SENP7: variants seen among roughly 807,000 people sequenced by gnomAD.
The protein encoded by SENP7 is SUMO specific peptidase 7.
In SENP7, 64 loss-of-function variants were observed where a neutral mutation model predicts 141.2. The ratio of observed to expected loss-of-function variants is 0.45; its 90% CI spans 0.37 to 0.56. SENP7 has a LOEUF of 0.56. Ranked by LOEUF, SENP7 falls within the 20% of genes least tolerant of loss-of-function variation. The probability of loss-of-function intolerance (pLI) is 0.00; values close to 1 mark genes in which losing one functional copy is unlikely to be tolerated. For missense variants in SENP7, 1,025 were observed against 1,212.2 expected, an observed-to-expected ratio of 0.85 and a Z score of 2.29; for synonymous variants, 382 against 426.4, an observed-to-expected ratio of 0.90 and a Z score of 1.28.
intron 3 of SENP7, among the ~76,000 whole-genome samples, chr3:101,474,617 G>A (rs1443944639): frequency 1.3e-5 from 2 of 152,056 alleles, no homozygotes; most frequent in Admixed American, 6.6e-5. Flanking sequence ...GGATCATGCT[G>A]TCTGCAAATA....
chr3:101,495,906 GA>G (rs969835461), intron 2 of SENP7, among the ~76,000 whole-genome samples: 1 of 151,946 alleles, frequency 6.6e-6, no homozygotes, highest in African/African-American at 2.4e-5. Flanking sequence ...AAAAGTCGAA[GA>G]AAAAAATGTT....
rs142081006 is a variant in SENP7, at chr3:101,501,841, A to T, written c.41-722T>A. 1.7e-4 allele frequency among the ~76,000 whole-genome samples: 26 copies of T among 152,348 alleles called. 1 individual carries two copies. The highest frequency in any genetic ancestry group is 8.5e-4 in the Admixed American group (13 of 15,300). Reference sequence around the variant, plus strand: ...AAAAAATAAATGGCAGAGATTCAACATATGGTCAGCTGCTTATGACAAATG... The same window carrying T: ...AAAAAATAAATGGCAGAGATTCAACTTATGGTCAGCTGCTTATGACAAATG... On this transcript the variant is annotated intron_variant, in intron 1 of 23. Transcript: ENST00000394095.
At chr3:101,463,922 T>G (rs1467879527) in intron 3 of SENP7, among the ~76,000 whole-genome samples, 1 of 152,148 alleles carries the variant, frequency 6.6e-6, no homozygotes, top group African/African-American at 2.4e-5. Context: ...CCTCCCAGGT[T>G]CAAGCACTTC....
At chr3:101,401,036 T>C (rs2061124709) in intron 5 of SENP7, among the ~76,000 whole-genome samples, 1 of 151,134 alleles carries the variant, frequency 6.6e-6, no homozygotes, top group Non-Finnish European at 1.5e-5. Flanking sequence ...AGTTCAAGGC[T>C]GCAGAGAGCT....
intron 4 of SENP7, among the ~76,000 whole-genome samples, chr3:101,419,098 T>C (rs561031706): frequency 6.6e-6 from 1 of 152,300 alleles, no homozygotes; most frequent in South Asian, 2.1e-4. Flanking sequence ...TCTGAGAATA[T>C]GACCTTGAAG....
At chr3:101,361,585 C>A in intron 11 of SENP7, 130 bp downstream of exon 11, 1 of 980,288 alleles carries the variant, frequency 1.0e-6, no homozygotes, top group Non-Finnish European at 1.4e-6. Context: ...TGACTTTCAA[C>A]ATATCCAAAG....
intron 1 of SENP7, among the ~76,000 whole-genome samples, chr3:101,511,800 T>C (rs1215902894): frequency 6.6e-6 from 1 of 152,060 alleles, no homozygotes; most frequent in Non-Finnish European, 1.5e-5. Context: ...AATTTGGAAT[T>C]GGTTTTTTTT....
chr3:101,428,610 T>C (rs1335130253), intron 4 of SENP7, among the ~76,000 whole-genome samples: 2 of 152,232 alleles, frequency 1.3e-5, no homozygotes, highest in Non-Finnish European at 2.9e-5. Context: ...CTTTGTCAGA[T>C]GGACAGATTG....
At chr3:101,443,540 C>T (rs1338777295) in intron 4 of SENP7, among the ~76,000 whole-genome samples, 2 of 151,634 alleles carry the variant, frequency 1.3e-5, no homozygotes, top group East Asian at 1.9e-4. Context: ...TTACCTTGGG[C>T]GGTATGGTCA....
At chr3:101,335,336 C>A (rs1373979539) in intron 17 of SENP7, among the ~76,000 whole-genome samples, 2 of 152,086 alleles carry the variant, frequency 1.3e-5, no homozygotes, top group Non-Finnish European at 2.9e-5. Context: ...TAGTTAGAGC[C>A]TTTTGATGTG....
chr3:101,413,921 T>G (rs1051983074), intron 5 of SENP7, among the ~76,000 whole-genome samples: 3 of 152,126 alleles, frequency 2.0e-5, no homozygotes, highest in Admixed American at 6.5e-5. Flanking sequence ...ACTAAGAAGT[T>G]TGAACTTTAT....
chr3:101,361,214 C>G (rs375277766), intron 11 of SENP7, among the ~76,000 whole-genome samples: 2 of 123,614 alleles, frequency 1.6e-5, no homozygotes, highest in Admixed American at 9.7e-5. Flanking sequence ...CTCTGTCCGC[C>G]CCCCCAAAAA....
intron 10 of SENP7, among the ~76,000 whole-genome samples, chr3:101,362,953 A>G (rs765277934): frequency 6.6e-6 from 1 of 152,180 alleles, no homozygotes; most frequent in African/African-American, 2.4e-5. Flanking sequence ...ACTTTTTCAA[A>G]TGTGCCTAAC....
At chr3:101,375,166 T>C (rs1297028331) in intron 6 of SENP7, among the ~76,000 whole-genome samples, 1 of 151,962 alleles carries the variant, frequency 6.6e-6, no homozygotes, top group Non-Finnish European at 1.5e-5. Context: ...CTGTACATTG[T>C]TGGTGGGAAT....
intron 5 of SENP7, among the ~76,000 whole-genome samples, chr3:101,413,035 G>A (rs973317079): frequency 6.6e-6 from 1 of 151,822 alleles, no homozygotes; most frequent in Non-Finnish European, 1.5e-5. Flanking sequence ...CACATAAAAG[G>A]CAAGATACTT....
chr3:101,438,017 A>G (rs1339885872), intron 4 of SENP7, among the ~76,000 whole-genome samples: 3 of 152,178 alleles, frequency 2.0e-5, no homozygotes, highest in African/African-American at 7.2e-5. Flanking sequence ...AAAATGAGGT[A>G]CGGCCATTGC....
chr3:101,494,605 C>A (rs543354243), intron 2 of SENP7, among the ~76,000 whole-genome samples: 23 of 152,168 alleles, frequency 1.5e-4, no homozygotes, highest in Middle Eastern at 3.4e-3. Flanking sequence ...ATGGAACAGA[C>A]CAATGGAACA....
intron 4 of SENP7, among the ~76,000 whole-genome samples, chr3:101,431,111 A>AT (rs2062149216): frequency 6.6e-6 from 1 of 152,176 alleles, no homozygotes; most frequent in Non-Finnish European, 1.5e-5. Context: ...TATGTGGTCA[A>AT]TTTTGGAATA....
At chr3:101,353,445 T>A (rs2059661893) in intron 11 of SENP7, among the ~76,000 whole-genome samples, 2 of 151,976 alleles carry the variant, frequency 1.3e-5, no homozygotes, top group Admixed American at 1.3e-4. Flanking sequence ...CATTTATCCC[T>A]CTGAATAATG....
Sources: gnomAD v4.1 joint callset for allele counts (sites outside exome capture counted in the v4.1 genomes callset) on GRCh38, gnomAD v4.1.1 for gene constraint, MANE v1.5 for transcripts, NCBI Gene and HGNC (gene_info 2026-07-23, HGNC 2026-07-21) for gene names.